The following ULK1 variants were observed in gnomAD, a reference collection of about 807,000 sequenced individuals.
The protein encoded by ULK1 is serine/threonine-protein kinase ULK1.
In ULK1, 48 loss-of-function variants were observed where a neutral mutation model predicts 117.5. The ratio of observed to expected loss-of-function variants is 0.41; its 90% CI spans 0.32 to 0.52. The LOEUF (loss-of-function observed/expected upper bound fraction) is 0.52. Among genes scored for constraint, ULK1 ranks in the 20% least tolerant of loss-of-function variants. The pLI is 0.29. For synonymous variants in ULK1, 790 were observed against 637.8 expected, an observed-to-expected ratio of 1.24 and a Z score of -3.60; for missense variants, 1,387 against 1,473.4, an observed-to-expected ratio of 0.94 and a Z score of 0.96.
Position 131,921,346 on chromosome 12 carries a change from T to A in ULK1, c.3138T>A (p.Thr1046=). The change falls in exon 28 of 28, where the codon ACT becomes ACA. Residue 1046 remains threonine, a synonymous_variant. Coordinates refer to ENST00000321867, the MANE Select transcript of ULK1 (RefSeq NM_003565.4). ...CIERRLSALL[T]GICA ...AGCGGAGACTCTCGGCGCTGCTGAC[T>A]GGCATCTGTGCCTGACCTTTCTGGC... is the stretch of plus-strand genomic sequence containing the variant. 1.9e-6 allele frequency: 3 copies of A among 1,604,636 alleles called. No homozygotes were observed. In the South Asian group the frequency reaches 3.3e-5, roughly 18 times the overall value.
At chr12:131,905,352 T>G (rs1889232561) in intron 3 of ULK1, among the ~76,000 whole-genome samples, 1 of 150,462 alleles carries the variant, frequency 6.6e-6, no homozygotes, top group Non-Finnish European at 1.5e-5. Flanking sequence ...GCCTTCTGAT[T>G]GGTTGGGGCC....
In ULK1 at chr12:131,916,451, C is replaced by T. The variant is rs143759952; in HGVS notation, c.1932C>T (p.Ala644=). The T allele has an allele frequency of 4.2e-5, 68 of 1,610,160 alleles. No individual in the cohort carries two copies. In the African/African-American group the frequency reaches 6.2e-4, roughly 15 times the overall value. Residue 644 remains alanine, a synonymous_variant, in exon 20 of 28, where the codon GCC becomes GCT. Coordinates refer to ENST00000321867, the MANE Select transcript of ULK1 (RefSeq NM_003565.4). ...CCCCCAGCTCCCAGAACCTGCTGGC[C>T]CTCCTAGCCCGGCAGGGCGTGGTGA... ...PKTPSSQNLL[A]LLARQGVVMT...
intron 12 of ULK1, among the ~76,000 whole-genome samples, chr12:131,911,086 A>G (rs943817140): frequency 6.6e-6 from 1 of 152,114 alleles, no homozygotes; most frequent in Admixed American, 6.5e-5. Context: ...GCCTTGGCCC[A>G]CTGACACCTG....
chr12:131,914,516 GC>G, intron 16 of ULK1, 39 bp downstream of exon 16: 1 of 1,595,136 alleles, frequency 6.3e-7, no homozygotes, highest in Non-Finnish European at 8.6e-7. Context: ...CGTGGCTGGG[GC>G]CTTGTGTGGC....
chr12:131,907,058 C>T lies in ULK1; in HGVS notation c.279+134C>T, dbSNP rs201302180. The T allele has an allele frequency of 7.1e-6, 9 of 1,267,752 alleles. No homozygotes were observed. The East Asian group carries it at 1.6e-4, about 23-fold the overall frequency. 78.5% of individuals were successfully genotyped at this position (1,267,752 alleles called of 1,614,324 possible). ...TTTTGAGATGGAGTCTCACTGTCGC[C>T]CAGGCTGGAGTGCAGTGCTGCGATC... On this transcript the variant is annotated intron_variant, in intron 4 of 27. Transcript: ENST00000321867.
intron 12 of ULK1, among the ~76,000 whole-genome samples, chr12:131,911,478 A>G (rs912950764): frequency 1.3e-5 from 2 of 152,170 alleles, no homozygotes; most frequent in Admixed American, 1.3e-4. Flanking sequence ...TTGGGGCTTT[A>G]GCCACCACCG....
rs564146621 is a variant in ULK1, at chr12:131,909,769, C to T, written c.667-6C>T. 321 of 1,603,216 alleles carry T rather than the reference C, an allele frequency of 2.0e-4. 1 individual carries two copies. The East Asian group carries it at 7.1e-3, about 36-fold the overall frequency. ...CCTGGCAGTCAGGCTGTCCCCGTCC[C>T]CGCAGGCCAGCAGCCCCCAGGACCT... On this transcript the variant is annotated splice_polypyrimidine_tract_variant and splice_region_variant and intron_variant, in intron 8 of 27. Transcript: ENST00000321867.
chr12:131,895,044 G>C lies in ULK1; in HGVS notation c.43G>C (p.Glu15Gln), dbSNP rs1415789300. ...RGGTETVGKFEFSRKDLIGHG... is the reference protein window; with the variant it reads ...RGGTETVGKFQFSRKDLIGHG... ...CGGCACAGAGACCGTGGGCAAGTTCGAGTTCTCCCGCAAGGACCTGATCGG... is the reference window on the plus strand; with the variant it reads ...CGGCACAGAGACCGTGGGCAAGTTCCAGTTCTCCCGCAAGGACCTGATCGG... The change falls in exon 1 of 28, where the codon GAG becomes CAG. Residue 15 changes from glutamate to glutamine, a missense_variant. Glu to Gln is a conservative substitution (Grantham distance 29). Around this residue, in one of 4 missense-constraint regions of ULK1, gnomAD observed 224 missense variants for 325.2 expected, o/e 0.69. Coordinates refer to ENST00000321867, the MANE Select transcript of ULK1 (RefSeq NM_003565.4). The C allele has an allele frequency of 1.5e-5, 24 of 1,575,076 alleles. No homozygotes were observed. The Admixed American group carries it at 4.2e-4, about 28-fold the overall frequency.
intron 3 of ULK1, among the ~76,000 whole-genome samples, chr12:131,905,092 C>T (rs1889222739): frequency 6.6e-6 from 1 of 152,132 alleles, no homozygotes; most frequent in Non-Finnish European, 1.5e-5. Context: ...GTCCCACCTT[C>T]TCTAGGCTGT....
At chr12:131,916,370 A>C in intron 19 of ULK1, 28 bp from the exon 20 acceptor site, 1 of 1,536,560 alleles carries the variant, frequency 6.5e-7, no homozygotes, top group Non-Finnish European at 8.8e-7. Context: ...CCTGCGGGGC[A>C]GTCTTCACCC....
At chr12:131,912,152 G>A in intron 13 of ULK1, 63 bp downstream of exon 13, 1 of 1,546,812 alleles carries the variant, frequency 6.5e-7, no homozygotes, top group Admixed American at 2.0e-5. Flanking sequence ...TGCATTGCAT[G>A]TGTTGGATGC....
intron 3 of ULK1, among the ~76,000 whole-genome samples, chr12:131,905,307 C>T (rs1889230024): frequency 6.6e-6 from 1 of 152,162 alleles, no homozygotes; most frequent in Non-Finnish European, 1.5e-5. Flanking sequence ...CAGGCATCAC[C>T]CAGTGGCTTT....
At chr12:131,907,653 T>C (rs921694371) in intron 5 of ULK1, 122 bp downstream of exon 5, 20 of 1,249,350 alleles carry the variant, frequency 1.6e-5, no homozygotes, top group African/African-American at 3.0e-5. Flanking sequence ...ATTGTGAGAT[T>C]GGCTCTTTCT....
At position 131,921,866 on chromosome 12, in the gene ULK1, A is replaced by T. The variant is rs1381825226; in HGVS notation, c.*505A>T. 2 of 459,476 alleles carry T rather than the reference A, an allele frequency of 4.4e-6. No homozygotes were observed. The allele number at this position is 459,476 out of a possible 1,614,324, so 28.5% of individuals were successfully genotyped here. Reference sequence around the variant, plus strand: ...TTATGCATATAGAGACAGAACCTGGACCTCACCAGGGACTGCTGGGCAGCG... The same window carrying T: ...TTATGCATATAGAGACAGAACCTGGTCCTCACCAGGGACTGCTGGGCAGCG... On this transcript the variant is annotated 3_prime_UTR_variant, in exon 28 of 28. Transcript: ENST00000321867.
chr12:131,916,332 C>T, intron 19 of ULK1, 66 bp from the exon 20 acceptor site: 2 of 1,524,150 alleles, frequency 1.3e-6, no homozygotes, highest in Admixed American at 4.4e-5. Context: ...CGGCCCCTTC[C>T]CCAGGCACCG....
Position 131,918,481 on chromosome 12 carries a change from C to T in ULK1, c.2327-16C>T, listed in dbSNP as rs368086024. 6.0e-5 allele frequency: 96 copies of T among 1,605,330 alleles called. No homozygotes were observed. Among genetic ancestry groups the T allele is most frequent in the Non-Finnish European group, 7.3e-5 (86 of 1,176,748 alleles). On this transcript the variant is annotated splice_polypyrimidine_tract_variant and intron_variant, in intron 22 of 27. Coordinates refer to ENST00000321867, the MANE Select transcript of ULK1 (RefSeq NM_003565.4). ...CTGCTGGTCCTGGTGTGCCCCTCAT[C>T]GCCCTCTCCCTGCAGCGGGCCCCAC...
At chr12:131,914,561 G>A in intron 16 of ULK1, 84 bp downstream of exon 16, 2 of 1,514,498 alleles carry the variant, frequency 1.3e-6, no homozygotes, top group Non-Finnish European at 1.8e-6. Context: ...AGAGGGACAG[G>A]GTCGTCATCC....
intron 16 of ULK1, among the ~76,000 whole-genome samples, chr12:131,914,684 A>C (rs192136945): frequency 2.6e-5 from 4 of 152,364 alleles, no homozygotes; most frequent in Admixed American, 2.6e-4. Context: ...AAATCTCTCT[A>C]GTTTATAAAA....
intron 23 of ULK1, 79 bp downstream of exon 23, chr12:131,918,760 A>ATAAGGTGTGTGGGGTG (rs1889983700): frequency 1.9e-6 from 1 of 532,048 alleles, no homozygotes; most frequent in African/African-American, 3.6e-5. Flanking sequence ...TGTGTGGGGT[A>ATAAGGTGTGTGGGGTG]TAGGGTGTGT....
Sources: gnomAD v4.1 joint callset for allele counts (sites outside exome capture counted in the v4.1 genomes callset) on GRCh38, gnomAD v4.1.1 for gene constraint, gnomAD v4.1.1 regional missense constraint, MANE v1.5 for transcripts, NCBI Gene and HGNC (gene_info 2026-07-23, HGNC 2026-07-21) for gene names.